ARL15: variants seen among roughly 807,000 people sequenced by gnomAD.
ARL15 encodes ADP-ribosylation factor-like protein 15.
A neutral mutation model predicts 25.2 loss-of-function variants in ARL15; 19 were observed. The ratio of observed to expected loss-of-function variants is 0.75; its 90% confidence interval spans 0.53 to 1.10. The LOEUF (loss-of-function observed/expected upper bound fraction) is 1.10. Among genes scored for constraint, ARL15 ranks in the 50% least tolerant of loss-of-function variants. The probability of loss-of-function intolerance (pLI) is 0.00; values close to 1 mark genes in which losing one functional copy is unlikely to be tolerated. For missense variants in ARL15, 220 were observed against 246.0 expected (o/e 0.89, Z 0.71); for synonymous variants, 94 against 86.8 (o/e 1.08, Z -0.46).
intron 1 of ARL15, among the ~76,000 whole-genome samples, chr5:54,198,652 C>T (rs1407068195): frequency 1.3e-5 from 2 of 150,482 alleles, no homozygotes; most frequent in Admixed American, 6.6e-5. Flanking sequence ...AAAGAGGATA[C>T]AAACAAATGG....
chr5:53,933,445 A>C (rs1746256926), intron 4 of ARL15, among the ~76,000 whole-genome samples: 1 of 152,044 alleles, frequency 6.6e-6, no homozygotes, highest in African/African-American at 2.4e-5. Context: ...GGAGATCGAG[A>C]CCATTCTGGC....
At chr5:54,002,979 T>C (rs1177254891) in intron 4 of ARL15, among the ~76,000 whole-genome samples, 1 of 152,126 alleles carries the variant, frequency 6.6e-6, no homozygotes, top group Non-Finnish European at 1.5e-5. Flanking sequence ...CTGAACTCAA[T>C]GCAAATTGAG....
chr5:54,230,745 T>G (rs1561276281), intron 1 of ARL15, among the ~76,000 whole-genome samples: 1 of 152,190 alleles, frequency 6.6e-6, no homozygotes, highest in Non-Finnish European at 1.5e-5. Flanking sequence ...CTTTTTCTTG[T>G]TCCTATGCAT....
chr5:54,150,777 A>G (rs156826), intron 3 of ARL15, among the ~76,000 whole-genome samples: 130,963 of 151,154 alleles, frequency 0.87, 56,876 homozygotes, highest in East Asian at 0.98. Flanking sequence ...CATCCTGGGC[A>G]ACGGAGCAAG....
At chr5:53,951,392 T>C (rs1746950220) in intron 4 of ARL15, 1 of 422,418 alleles carries the variant, frequency 2.4e-6, no homozygotes, top group Non-Finnish European at 4.9e-6. Context: ...TCATATACTT[T>C]GGATGTTGCA....
chr5:53,885,915 G>C lies in ARL15; in HGVS notation c.*646C>G, dbSNP rs568861253. 2.6e-4 allele frequency: 39 copies of C among 152,110 alleles called. No individual in the cohort carries two copies. Among genetic ancestry groups the C allele is most frequent in the African/African-American group, 9.2e-4 (38 of 41,492 alleles). 9.4% of individuals were successfully genotyped at this position (152,110 alleles called of 1,614,324 possible). Reference sequence around the variant, plus strand: ...TGAAACAATGTCTTTGCTCTTAAAAGAGAAGAGACTTCAGATGTAATCAAG... The same window carrying C: ...TGAAACAATGTCTTTGCTCTTAAAACAGAAGAGACTTCAGATGTAATCAAG... On this transcript the variant is annotated 3_prime_UTR_variant, in exon 5 of 5. Transcript: ENST00000504924.
At chr5:54,284,060 A>G (rs1758127659) in intron 1 of ARL15, among the ~76,000 whole-genome samples, 1 of 152,166 alleles carries the variant, frequency 6.6e-6, no homozygotes, top group Admixed American at 6.5e-5. Context: ...CAGAGTTGCC[A>G]TTCCCTCCTC....
chr5:54,302,683 AT>A (rs372704359), intron 1 of ARL15, among the ~76,000 whole-genome samples: 1,223 of 77,762 alleles, frequency 0.016, 21 homozygotes, highest in African/African-American at 0.054. Flanking sequence ...TAAAATTAAG[AT>A]TTTTTTTTTT....
intron 4 of ARL15, among the ~76,000 whole-genome samples, chr5:54,026,322 G>T (rs1749785696): frequency 6.6e-6 from 1 of 152,136 alleles, no homozygotes; most frequent in South Asian, 2.1e-4. Context: ...AGGCTAGAGT[G>T]CAGTGGCATA....
At chr5:54,292,763 A>G (rs1482476681) in intron 1 of ARL15, among the ~76,000 whole-genome samples, 1 of 152,136 alleles carries the variant, frequency 6.6e-6, no homozygotes, top group Non-Finnish European at 1.5e-5. Context: ...CGTCTCACTC[A>G]GCGCTCACAA....
intron 4 of ARL15, among the ~76,000 whole-genome samples, chr5:53,977,311 C>T (rs1026551474): frequency 6.8e-6 from 1 of 147,998 alleles, no homozygotes; most frequent in Admixed American, 6.8e-5. Context: ...GCCGAGATCG[C>T]GCCACTGCAC....
intron 4 of ARL15, among the ~76,000 whole-genome samples, chr5:53,970,108 T>TC (rs1002920569): frequency 1.3e-5 from 2 of 151,886 alleles, no homozygotes; most frequent in African/African-American, 4.8e-5. Flanking sequence ...GAGAGGAAAC[T>TC]CCCCCCAAAT....
chr5:54,231,771 G>A (rs1368551658), intron 1 of ARL15, among the ~76,000 whole-genome samples: 1 of 152,164 alleles, frequency 6.6e-6, no homozygotes, highest in Non-Finnish European at 1.5e-5. Flanking sequence ...CATGAGTGTG[G>A]AGAGTGAGGG....
At chr5:53,973,574 CAAAAA>C (rs34108460) in intron 4 of ARL15, among the ~76,000 whole-genome samples, 1 of 87,126 alleles carries the variant, frequency 1.1e-5, no homozygotes, top group Non-Finnish European at 2.1e-5. Flanking sequence ...AACTTCATCT[CAAAAA>C]AAAAAAAAAA....
At chr5:54,266,271 C>T (rs1291103875) in intron 1 of ARL15, among the ~76,000 whole-genome samples, 2 of 152,194 alleles carry the variant, frequency 1.3e-5, no homozygotes, top group Non-Finnish European at 2.9e-5. Context: ...GAAATGAGAG[C>T]AGACCTCTCC....
intron 4 of ARL15, among the ~76,000 whole-genome samples, chr5:53,919,185 C>A (rs1296104709): frequency 6.6e-6 from 1 of 152,152 alleles, no homozygotes. Context: ...TACAGTTTTC[C>A]TTAACAAATT....
chr5:54,107,189 G>T (rs1296126841), intron 4 of ARL15, among the ~76,000 whole-genome samples: 1 of 152,052 alleles, frequency 6.6e-6, no homozygotes, highest in Non-Finnish European at 1.5e-5. Context: ...TTACTACCAC[G>T]AGAATAGCAC....
In ARL15 at chr5:54,236,703, C is replaced by T. The variant is rs1579938609; in HGVS notation, c.49-64775G>A. 2.0e-5 allele frequency among the ~76,000 whole-genome samples: 3 copies of T among 152,110 alleles called. No homozygotes were observed. In the East Asian group the frequency reaches 5.8e-4, roughly 29 times the overall value. ...GTTTCACTCTCTAATCATATATTGCCCAGTGCATACATTCATTTAAACAAA... is the reference window on the plus strand; with the variant it reads ...GTTTCACTCTCTAATCATATATTGCTCAGTGCATACATTCATTTAAACAAA... On this transcript the variant is annotated intron_variant, in intron 1 of 4. Transcript: ENST00000504924.
chr5:54,250,313 G>A (rs781311589), intron 1 of ARL15, among the ~76,000 whole-genome samples: 2 of 151,980 alleles, frequency 1.3e-5, no homozygotes, highest in African/African-American at 2.4e-5. Context: ...CCTTCAACAC[G>A]AGGAACCACA....
Sources: allele counts gnomAD v4.1 joint callset (sites outside exome capture counted in the v4.1 genomes callset), GRCh38; gene constraint gnomAD v4.1.1; transcripts MANE v1.5; gene names NCBI Gene and HGNC (gene_info 2026-07-23, HGNC 2026-07-21).